Variants in COX17 observed in about 807,000 individuals in gnomAD.
The protein encoded by COX17 is cytochrome c oxidase copper chaperone.
In COX17, 1 loss-of-function variant was observed where a neutral mutation model predicts 6.3. That is an observed-to-expected ratio of 0.16 (90% CI 0.06 to 0.75). The LOEUF (loss-of-function observed/expected upper bound fraction) is 0.75. Ranked by LOEUF, COX17 falls within the 30% of genes least tolerant of loss-of-function variation. The pLI is 0.77. For missense variants in COX17, 73 were observed against 81.2 expected, an observed-to-expected ratio of 0.90 and a Z score of 0.39; for synonymous variants, 26 against 30.5, an observed-to-expected ratio of 0.85 and a Z score of 0.49.
At chr3:119,677,174 C>T (rs1354038875) in intron 1 of COX17, 30 bp downstream of exon 1, 16 of 1,574,488 alleles carry the variant, frequency 1.0e-5, no homozygotes, top group Admixed American at 1.7e-5. Flanking sequence ...CGGGGCTCGT[C>T]GGCCGCGCCC....
chr3:119,666,308 G>A (rs1396975232), downstream of COX17, among the ~76,000 whole-genome samples: 1 of 152,198 alleles, frequency 6.6e-6, no homozygotes, highest in Non-Finnish European at 1.5e-5. Context: ...ACTTTAACAA[G>A]CAAGCACATG....
chr3:119,666,717 G>C (rs2052995620), downstream of COX17, among the ~76,000 whole-genome samples: 1 of 152,160 alleles, frequency 6.6e-6, no homozygotes, highest in African/African-American at 2.4e-5. Context: ...TTGGCATATA[G>C]TATGTCCTCA....
At chr3:119,673,250 T>C (rs190994498) in intron 2 of COX17, among the ~76,000 whole-genome samples, 103 of 152,338 alleles carry the variant, frequency 6.8e-4, no homozygotes, top group Non-Finnish European at 1.3e-3. Flanking sequence ...ATTCATTCAT[T>C]TAACAATCCT....
chr3:119,676,523 A>C (rs2053101671), intron 1 of COX17, among the ~76,000 whole-genome samples: 1 of 152,248 alleles, frequency 6.6e-6, no homozygotes, highest in African/African-American at 2.4e-5. Flanking sequence ...TTGACAATCT[A>C]GATGAACTAT....
At chr3:119,664,401 C>T (rs543608328) in intron 3 of COX17, among the ~76,000 whole-genome samples, 41 of 152,266 alleles carry the variant, frequency 2.7e-4, no homozygotes, top group African/African-American at 9.6e-4. Flanking sequence ...GGGAAGGTGA[C>T]TTTTAATCTG....
At chr3:119,673,625 G>A (rs2107834592) in intron 2 of COX17, among the ~76,000 whole-genome samples, 1 of 152,346 alleles carries the variant, frequency 6.6e-6, no homozygotes, top group South Asian at 2.1e-4. Flanking sequence ...GGGAAGGGAT[G>A]TAATTTACAT....
At chr3:119,667,718 CACACACACACAGAGAG>C (rs1452647809), downstream of COX17, among the ~76,000 whole-genome samples, 4 of 117,574 alleles carry the variant, frequency 3.4e-5, no homozygotes, top group African/African-American at 8.3e-5. Flanking sequence ...CACACACACA[CACACACACACAGAGAG>C]AGAGAGACAG....
At chr3:119,669,122 T>A (rs1020599238), downstream of COX17, 3 of 152,132 alleles carry the variant, frequency 2.0e-5, no homozygotes, top group African/African-American at 7.2e-5. Context: ...ACAGTTGAGA[T>A]CTTCTAAGCC....
chr3:119,675,087 T>C (rs1319611179), intron 2 of COX17, 58 bp downstream of exon 2: 11 of 1,188,324 alleles, frequency 9.3e-6, no homozygotes, highest in Non-Finnish European at 1.1e-5. Context: ...AGAGAGAATG[T>C]AGCCCAATTG....
chr3:119,677,402 G>A lies in COX17; in HGVS notation c.-92C>T. The A allele has an allele frequency of 3.0e-6, 3 of 1,005,050 alleles. No individual in the cohort carries two copies. Among genetic ancestry groups the A allele is most frequent in the South Asian group, 2.8e-5 (2 of 72,098 alleles). The allele number at this position is 1,005,050 out of a possible 1,614,324, so 62.3% of individuals were successfully genotyped here. A position where few individuals can be genotyped will look rare whatever the true frequency, so the allele number is the denominator to read the frequency against. Reference sequence around the variant, plus strand: ...TCGTCCGCAGTCACTTCCGGCAGTCGCTCTAAAAAGTACAGGAAGTCCTGC... The same window carrying A: ...TCGTCCGCAGTCACTTCCGGCAGTCACTCTAAAAAGTACAGGAAGTCCTGC... On this transcript the variant is annotated 5_prime_UTR_variant, in exon 1 of 3. Coordinates refer to ENST00000261070, the MANE Select transcript of COX17 (RefSeq NM_005694.2).
At chr3:119,673,585 G>A (rs2053066341) in intron 2 of COX17, among the ~76,000 whole-genome samples, 1 of 152,190 alleles carries the variant, frequency 6.6e-6, no homozygotes, top group African/African-American at 2.4e-5. Context: ...TCACAGAAAG[G>A]TCTTAGGACA....
intron 2 of COX17, among the ~76,000 whole-genome samples, chr3:119,674,151 G>C (rs934082398): frequency 2.0e-5 from 3 of 151,004 alleles, no homozygotes; most frequent in African/African-American, 7.3e-5. Flanking sequence ...CACCGTCTGG[G>C]AAGTGTGGAG....
intron 1 of COX17, among the ~76,000 whole-genome samples, chr3:119,676,419 G>T (rs1224392088): frequency 6.6e-6 from 1 of 152,212 alleles, no homozygotes; most frequent in Non-Finnish European, 1.5e-5. Context: ...GGGGCCAGAG[G>T]AAGAGATGCA....
chr3:119,676,628 A>T, intron 1 of COX17: 1 of 511,616 alleles, frequency 2.0e-6, no homozygotes. Flanking sequence ...AACTGTAAGG[A>T]ATACACTCTG....
At chr3:119,677,131 G>A (rs1457951515) in intron 1 of COX17, 73 bp downstream of exon 1, 3 of 1,177,722 alleles carry the variant, frequency 2.5e-6, no homozygotes, top group South Asian at 2.5e-5. Flanking sequence ...AGAGGCCGTA[G>A]GGCAGAGGCA....
downstream of COX17, among the ~76,000 whole-genome samples, chr3:119,667,856 G>A (rs956004968): frequency 3.6e-4 from 55 of 151,882 alleles, no homozygotes; most frequent in Admixed American, 6.6e-4. Context: ...ACAAAAATTC[G>A]GAATTTAGGT....
At chr3:119,675,391 C>G in intron 1 of COX17, 158 bp from the exon 2 acceptor site, 2 of 598,090 alleles carry the variant, frequency 3.3e-6, no homozygotes, top group East Asian at 2.8e-5. Flanking sequence ...TTTATTTGAT[C>G]TTATGATATG....
Position 119,674,928 on chromosome 3 carries a change from T to C in COX17, c.*4+217A>G, listed in dbSNP as rs149325785. 8.4e-4 allele frequency: 422 copies of C among 504,912 alleles called. 5 individuals are homozygous for C. The East Asian group carries it at 0.013, about 15-fold the overall frequency. The allele number at this position is 504,912 out of a possible 1,614,324, so 31.3% of individuals were successfully genotyped here. A position where few individuals can be genotyped will look rare whatever the true frequency, so the allele number is the denominator to read the frequency against. On this transcript the variant is annotated intron_variant, in intron 2 of 2. Transcript: ENST00000261070. ...GGACCTAAAGGCTTTTGTCAAACCC[T>C]TTCTTAAAAGCTCAATTCTCCCCTT...
At chr3:119,669,335 T>C (rs898061525), downstream of COX17, 1 of 152,078 alleles carries the variant, frequency 6.6e-6, no homozygotes, top group Non-Finnish European at 1.5e-5. Flanking sequence ...TTTACTTCTA[T>C]GCACCTAATT....
Sources: allele counts gnomAD v4.1 joint callset (sites outside exome capture counted in the v4.1 genomes callset), GRCh38; gene constraint gnomAD v4.1.1; transcripts MANE v1.5; gene names NCBI Gene and HGNC (gene_info 2026-07-23, HGNC 2026-07-21).